The following KCNQ2 variants were observed in gnomAD, a reference collection of about 807,000 sequenced individuals.
KCNQ2 encodes potassium voltage-gated channel subfamily Q member 2.
In KCNQ2, 14 loss-of-function variants were observed where a neutral mutation model predicts 84.8. That is an observed-to-expected ratio of 0.17 (90% CI 0.11 to 0.26). The LOEUF (loss-of-function observed/expected upper bound fraction) is 0.26, where lower values mean the gene tolerates loss of function less well. Among genes scored for constraint, KCNQ2 ranks in the 10% least tolerant of loss-of-function variants. The probability of loss-of-function intolerance (pLI) is 1.00; values close to 1 mark genes in which losing one functional copy is unlikely to be tolerated. For missense variants in KCNQ2, 788 were observed against 1,254.0 expected (o/e 0.63, Z 5.61); for synonymous variants, 599 against 554.1 (o/e 1.08, Z -1.14).
rs537429339 is a variant in KCNQ2, at chr20:63,417,180, C to T, written c.1302-2054G>A. ...GGTGCTGTGGGTGCCTCTGTCCCAA[C>T]GGCCTCTGGTCCCCATCCCAACAAC... is the stretch of plus-strand genomic sequence containing the variant. On this transcript the variant is annotated intron_variant, in intron 12 of 16. Coordinates refer to ENST00000359125, the MANE Select transcript of KCNQ2 (RefSeq NM_172107.4). Among the ~76,000 whole-genome samples, 207 of 152,246 alleles carry T rather than the reference C, an allele frequency of 1.4e-3. 1 individual carries two copies. Among genetic ancestry groups the T allele is most frequent in the African/African-American group, 4.7e-3 (197 of 41,548 alleles).
chr20:63,417,806 G>A (rs2080341412), intron 12 of KCNQ2, among the ~76,000 whole-genome samples: 1 of 152,178 alleles, frequency 6.6e-6, no homozygotes, highest in Non-Finnish European at 1.5e-5. Flanking sequence ...CCACGACAAG[G>A]AGCCACAGCC....
rs1292482268 is a variant in KCNQ2, at chr20:63,433,823, G to A, written c.1104C>T (p.Thr368=). ...GGCGGCGGTACCTGTACATGGGCAC[G>A]GTGACCGTTCGCTCGTAGTACTGCC... ...STWQYYERTV[T]VPMYSSQTQT... is the part of the protein sequence containing the mutation. The change falls in exon 8 of 17, where the codon ACC becomes ACT. Residue 368 remains threonine, a synonymous_variant. Transcript: ENST00000359125. 5 of 1,613,822 alleles carry A rather than the reference G, an allele frequency of 3.1e-6. No individual in the cohort carries two copies. Among genetic ancestry groups the A allele is most frequent in the East Asian group, 2.2e-5 (1 of 44,896 alleles).
In KCNQ2 at chr20:63,446,535, G is replaced by C. The variant is rs530478541; in HGVS notation, c.387+212C>G. ...ACTGTGAGGTCACCAGGAGGGGTGA[G>C]GTGAGGGCTGAGTTACAGCCAGGGT... On this transcript the variant is annotated intron_variant, in intron 2 of 16. Transcript: ENST00000359125. This position sits in a 1 kb window ranked among gnomAD's most constrained non-coding sequence, Gnocchi z 5.5. Among the ~76,000 whole-genome samples, 33 of 152,284 alleles carry C rather than the reference G, an allele frequency of 2.2e-4. No homozygotes were observed. Among genetic ancestry groups the C allele is most frequent in the Non-Finnish European group, 3.8e-4 (26 of 68,012 alleles).
chr20:63,443,361 TCACCATCATCACCACCATCATCAC>T (rs1568937400), intron 4 of KCNQ2, among the ~76,000 whole-genome samples: 45 of 28,304 alleles, frequency 1.6e-3, no homozygotes, highest in African/African-American at 4.6e-3. Flanking sequence ...ACCACCACCA[TCACCATCATCACCACCATCATCAC>T]CACCACCATC....
chr20:63,448,274 T>G (rs2081494415), intron 1 of KCNQ2: 2 of 152,286 alleles, frequency 1.3e-5, no homozygotes, highest in Admixed American at 6.5e-5. Context: ...GTGTCCAACG[T>G]CCAGGTCCTT....
intron 1 of KCNQ2, among the ~76,000 whole-genome samples, chr20:63,461,924 C>CT (rs1191609289): frequency 7.5e-6 from 1 of 133,480 alleles, no homozygotes; most frequent in Non-Finnish European, 1.6e-5. Context: ...GAGGCTGCAC[C>CT]TACCCCAGGG....
rs1298602823 is a variant in KCNQ2 at position 63,414,370 on chromosome 20, A to G, written c.1526-177T>C. On this transcript the variant is annotated intron_variant, in intron 13 of 16. Transcript: ENST00000359125. This position sits in a 1 kb window ranked among gnomAD's most constrained non-coding sequence, Gnocchi z 6.6. Reference sequence around the variant, plus strand: ...ACCCATCTGCACCCAGCTGCTCTCGAGTCAGGACCTTCCCCGGCAGGCTGT... The same window carrying G: ...ACCCATCTGCACCCAGCTGCTCTCGGGTCAGGACCTTCCCCGGCAGGCTGT... Among the ~76,000 whole-genome samples, 1 of 152,140 alleles carries G rather than the reference A, an allele frequency of 6.6e-6. No homozygotes were observed. Among genetic ancestry groups the G allele is most frequent in the Non-Finnish European group, 1.5e-5 (1 of 68,012 alleles).
At position 63,444,647 on chromosome 20, in the gene KCNQ2, G is replaced by A; in HGVS notation, c.690+12C>T. 5.2e-6 allele frequency: 8 copies of A among 1,541,440 alleles called. No homozygotes were observed. The highest frequency in any genetic ancestry group is 7.0e-6 in the Non-Finnish European group (8 of 1,138,222). On this transcript the variant is annotated intron_variant, in intron 4 of 16. Coordinates refer to ENST00000359125, the MANE Select transcript of KCNQ2 (RefSeq NM_172107.4). Reference sequence around the variant, plus strand: ...GGGGGCGCCCACCGCCAGCCTTGGGGCCGTGACTCACCTTGCTGTGGGCAT... The same window carrying A: ...GGGGGCGCCCACCGCCAGCCTTGGGACCGTGACTCACCTTGCTGTGGGCAT...
chr20:63,445,620 G>A, intron 2 of KCNQ2: 1 of 584,800 alleles, frequency 1.7e-6, no homozygotes, highest in South Asian at 2.0e-5. Flanking sequence ...CCCTGTCTGA[G>A]CTGGGGACTC....
Position 63,400,592 on chromosome 20 carries a change from A to G in KCNQ2, c.*6052T>C, listed in dbSNP as rs1000577473. 1.5e-5 allele frequency: 6 copies of G among 398,494 alleles called. No individual in the cohort carries two copies. Among genetic ancestry groups the G allele is most frequent in the Non-Finnish European group, 2.7e-5 (6 of 226,036 alleles). 24.7% of individuals were successfully genotyped at this position (398,494 alleles called of 1,614,324 possible). A position where few individuals can be genotyped will look rare whatever the true frequency, so the allele number is the denominator to read the frequency against. Reference sequence around the variant, plus strand: ...ACGTCGGTACTGAAGGCATTATGAAATGTTCTTTGGAGCATGAACAAAAGT... The same window carrying G: ...ACGTCGGTACTGAAGGCATTATGAAGTGTTCTTTGGAGCATGAACAAAAGT... On this transcript the variant is annotated 3_prime_UTR_variant, in exon 17 of 17. Transcript: ENST00000359125. This position sits in a 1 kb window ranked among gnomAD's most constrained non-coding sequence, Gnocchi z 8.7.
chr20:63,451,943 G>T (rs1284028303), intron 1 of KCNQ2, among the ~76,000 whole-genome samples: 1 of 152,246 alleles, frequency 6.6e-6, no homozygotes, highest in African/African-American at 2.4e-5. Context: ...CCCAAGATCT[G>T]CCCCGGGAAG....
In KCNQ2 at chr20:63,438,902, C is replaced by T. The variant is rs1315278884; in HGVS notation, c.928-182G>A. ...CACGCCCCAGGGACTCACACACCCC[C>T]CAGTTCATCAGGGTCAGACCCGTCT... On this transcript the variant is annotated intron_variant, in intron 6 of 16. Coordinates refer to ENST00000359125, the MANE Select transcript of KCNQ2 (RefSeq NM_172107.4). The surrounding 1 kb of genome is among the most constrained non-coding windows in gnomAD (Gnocchi z 5.1). 6.6e-6 allele frequency among the ~76,000 whole-genome samples: 1 copy of T among 151,686 alleles called. No homozygotes were observed.
At chr20:63,430,439 T>C (rs1016023302) in intron 9 of KCNQ2, among the ~76,000 whole-genome samples, 3 of 152,092 alleles carry the variant, frequency 2.0e-5, no homozygotes, top group African/African-American at 7.2e-5. Flanking sequence ...TTCTAACAGT[T>C]CCCAGGAAGG....
Position 63,445,740 on chromosome 20 carries a change from G to A in KCNQ2, c.388-376C>T, listed in dbSNP as rs56225974. 2.7e-4 allele frequency among the ~76,000 whole-genome samples: 32 copies of A among 118,936 alleles called. 9 individuals are homozygous for A. The highest frequency in any genetic ancestry group is 5.7e-4 in the South Asian group (2 of 3,524). The allele number at this position is 118,936 out of a possible 152,430, so 78.0% of individuals were successfully genotyped here. On this transcript the variant is annotated intron_variant, in intron 2 of 16. Coordinates refer to ENST00000359125, the MANE Select transcript of KCNQ2 (RefSeq NM_172107.4). ...TGAGCTGGGAGGCCCTGTCTGAGCT[G>A]GGAGGCCCTGTCTGAGCTGGGGGAC...
chr20:63,458,404 G>A (rs34018948), intron 1 of KCNQ2, among the ~76,000 whole-genome samples: 30,735 of 152,078 alleles, frequency 0.2, 3,839 homozygotes, highest in Middle Eastern at 0.32. Flanking sequence ...TCCTGCCCTC[G>A]GCAAACGCCG....
chr20:63,438,855 C>T lies in KCNQ2; in HGVS notation c.928-135G>A, dbSNP rs943377269. ...ACCACACTCCAGAGACTCACACACC[C>T]CCCAATTCATCAGGGTCAGACCACG... is the stretch of plus-strand genomic sequence containing the variant. On this transcript the variant is annotated intron_variant, in intron 6 of 16. Transcript: ENST00000359125. This position sits in a 1 kb window ranked among gnomAD's most constrained non-coding sequence, Gnocchi z 5.1. The T allele has an allele frequency of 8.6e-6, 6 of 696,204 alleles. No individual in the cohort carries two copies. The highest frequency in any genetic ancestry group is 5.3e-5 in the African/African-American group (3 of 56,374). 43.1% of individuals were successfully genotyped at this position (696,204 alleles called of 1,614,324 possible).
chr20:63,431,397 G>A lies in KCNQ2; in HGVS notation c.1119-28C>T, dbSNP rs746210935. 7.4e-6 allele frequency: 12 copies of A among 1,612,372 alleles called. No homozygotes were observed. In the African/African-American group the frequency reaches 1.3e-4, roughly 18 times the overall value. ...TTCAAGTGTTTCCACACACACAAAGGGAAAAGAACGGAAAATTTCAAAAAG... is the reference window on the plus strand; with the variant it reads ...TTCAAGTGTTTCCACACACACAAAGAGAAAAGAACGGAAAATTTCAAAAAG... On this transcript the variant is annotated intron_variant, in intron 8 of 16. Transcript: ENST00000359125.
intron 15 of KCNQ2, among the ~76,000 whole-genome samples, chr20:63,409,195 CTGTGTGTGCACG>C (rs1321045083): frequency 1.3e-5 from 2 of 152,260 alleles, no homozygotes; most frequent in African/African-American, 4.8e-5. Flanking sequence ...CTGCGAGGGT[CTGTGTGTGCACG>C]TGTGTGTGCA....
At chr20:63,413,989 C>A (rs914332303) in intron 14 of KCNQ2, 99 bp downstream of exon 14, 2 of 872,020 alleles carry the variant, frequency 2.3e-6, no homozygotes, top group Non-Finnish European at 3.9e-6. Flanking sequence ...TGTCTCTGGG[C>A]GGCTCTGTCC....
Sources: gnomAD v4.1 joint callset for allele counts (sites outside exome capture counted in the v4.1 genomes callset) on GRCh38, gnomAD v4.1.1 for gene constraint, Gnocchi (gnomAD v3.1) non-coding constraint, MANE v1.5 for transcripts, NCBI Gene and HGNC (gene_info 2026-07-23, HGNC 2026-07-21) for gene names.